FBN2: variants seen among roughly 807,000 people sequenced by gnomAD.
FBN2 encodes fibrillin-2.
FBN2 carries 105 observed loss-of-function variants against 355.6 expected under a neutral mutation model. That is an observed-to-expected ratio of 0.30 (90% CI 0.25 to 0.35). The LOEUF is 0.35. FBN2 is among the 10% of genes least tolerant of loss of function. FBN2 has a pLI of 1.00. For synonymous variants in FBN2, 1,350 were observed against 1,301.2 expected, an observed-to-expected ratio of 1.04 and a Z score of -0.81; for missense variants, 3,280 against 3,758.7, an observed-to-expected ratio of 0.87 and a Z score of 3.33.
rs1764864480 is a variant in FBN2, at chr5:128,258,107, C to T, written c.*1348G>A. On this transcript the variant is annotated 3_prime_UTR_variant, in exon 65 of 65. Coordinates refer to ENST00000262464, the MANE Select transcript of FBN2 (RefSeq NM_001999.4). ...GTATAACTGGTTACTAATCTTTGGT[C>T]AGCACAGGTTTGAGAGGAACAACCA... 1 of 152,244 alleles carries T rather than the reference C, an allele frequency of 6.6e-6. No individual in the cohort carries two copies. Among genetic ancestry groups the T allele is most frequent in the Non-Finnish European group, 1.5e-5 (1 of 68,014 alleles). 9.4% of individuals were successfully genotyped at this position (152,244 alleles called of 1,614,324 possible).
chr5:128,343,070 A>G (rs936704104), intron 25 of FBN2, among the ~76,000 whole-genome samples: 1 of 152,144 alleles, frequency 6.6e-6, no homozygotes, highest in Non-Finnish European at 1.5e-5. Flanking sequence ...CTGTGTGAGA[A>G]GGATGCAGGC....
chr5:128,293,121 T>A (rs767182950), intron 48 of FBN2, among the ~76,000 whole-genome samples: 1 of 152,182 alleles, frequency 6.6e-6, no homozygotes, highest in South Asian at 2.1e-4. Flanking sequence ...TGTACACATA[T>A]CTATGTCTGT....
At chr5:128,299,083 T>C (rs1300356674) in intron 48 of FBN2, among the ~76,000 whole-genome samples, 8 of 152,114 alleles carry the variant, frequency 5.3e-5, no homozygotes, top group South Asian at 4.1e-4. Flanking sequence ...TCTGTTGGAG[T>C]ACTGGGCCGT....
rs948963722 is a variant in FBN2 at position 128,326,443 on chromosome 5, C to T, written c.4471+2253G>A. Among the ~76,000 whole-genome samples the T allele has an allele frequency of 4.6e-5, 7 of 152,294 alleles. No individual in the cohort carries two copies. In the South Asian group the frequency reaches 1.2e-3, roughly 27 times the overall value. On this transcript the variant is annotated intron_variant, in intron 34 of 64. Coordinates refer to ENST00000262464, the MANE Select transcript of FBN2 (RefSeq NM_001999.4). The stretch of plus-strand genomic sequence containing the variant: ...CTCTCTCATGTTCCTGCAGGGGCTC[C>T]TCCAGGTTTTATATTCCCCCATTTT...
intron 15 of FBN2, 21 bp downstream of exon 15, chr5:128,374,607 A>G: frequency 6.2e-7 from 1 of 1,613,820 alleles, no homozygotes; most frequent in Non-Finnish European, 8.5e-7. Context: ...CAGTGGGGCC[A>G]TTATAAAATG....
At chr5:128,310,384 ATATATATATATATATATATTTTTTTT>A (rs1158315101) in intron 39 of FBN2, among the ~76,000 whole-genome samples, 4 of 13,418 alleles carry the variant, frequency 3.0e-4, no homozygotes, top group South Asian at 1.8e-3. Context: ...ATATATATAT[ATATATATATATATATATATTTTTTTT>A]TTTTTTTTTT....
intron 5 of FBN2, 109 bp from the exon 6 acceptor site, chr5:128,465,030 C>A: frequency 9.4e-7 from 1 of 1,067,846 alleles, no homozygotes; most frequent in Non-Finnish European, 1.4e-6. Context: ...CCAAAGTGTC[C>A]AAAGACAGAA....
At chr5:128,267,311 A>T (rs1328527410) in intron 62 of FBN2, among the ~76,000 whole-genome samples, 1 of 152,164 alleles carries the variant, frequency 6.6e-6, no homozygotes, top group Non-Finnish European at 1.5e-5. Flanking sequence ...TAGTAGAATG[A>T]TCTATATTCC....
intron 6 of FBN2, among the ~76,000 whole-genome samples, chr5:128,454,505 A>T (rs1425515676): frequency 6.6e-6 from 1 of 152,214 alleles, no homozygotes; most frequent in Non-Finnish European, 1.5e-5. Flanking sequence ...TAATCAAATA[A>T]ATCAGATAAT....
intron 49 of FBN2, 76 bp downstream of exon 49, chr5:128,291,453 C>T (rs1667787224): frequency 1.3e-6 from 2 of 1,527,960 alleles, no homozygotes; most frequent in African/African-American, 1.4e-5. Context: ...AGGACTAATA[C>T]CAGCATGATG....
chr5:128,259,666 C>T lies in FBN2; in HGVS notation c.8528G>A (p.Ser2843Asn). 1 of 1,614,054 alleles carries T rather than the reference C, an allele frequency of 6.2e-7. No individual in the cohort carries two copies. Among genetic ancestry groups the T allele is most frequent in the East Asian group, 2.2e-5 (1 of 44,860 alleles). ...RYVISQGNDD[S>N]VFRIHQRNGL... Reference sequence around the variant, plus strand: ...ATTCCTTTGGTGGATGCGGAAGACGCTGTCATCGTTCCCTTGAGAGATGAC... The same window carrying T: ...ATTCCTTTGGTGGATGCGGAAGACGTTGTCATCGTTCCCTTGAGAGATGAC... The change falls in exon 65 of 65, where the codon AGC becomes AAC. Residue 2843 changes from serine (S) to asparagine (N), a missense_variant. Around this residue, in one of 6 missense-constraint regions of FBN2, gnomAD observed 311 missense variants for 319.1 expected, o/e 0.97. Coordinates refer to ENST00000262464, the MANE Select transcript of FBN2 (RefSeq NM_001999.4).
chr5:128,269,855 A>G (rs1468113741), intron 62 of FBN2, among the ~76,000 whole-genome samples: 1 of 151,848 alleles, frequency 6.6e-6, no homozygotes, highest in African/African-American at 2.4e-5. Flanking sequence ...CATAAATTTC[A>G]TATGGAACCA....
intron 55 of FBN2, among the ~76,000 whole-genome samples, chr5:128,281,669 T>A (rs994971479): frequency 6.6e-6 from 1 of 152,098 alleles, no homozygotes; most frequent in African/African-American, 2.4e-5. Context: ...AATTAGTGTA[T>A]GTAGTTTGGT....
chr5:128,468,796 G>A (rs984912361), intron 5 of FBN2, among the ~76,000 whole-genome samples: 1 of 152,064 alleles, frequency 6.6e-6, no homozygotes, highest in Non-Finnish European at 1.5e-5. Context: ...AATACAAGTT[G>A]AGAAAATTAA....
At position 128,334,778 on chromosome 5, in the gene FBN2, G is replaced by A. The variant is rs1397344275; in HGVS notation, c.4040C>T (p.Ser1347Phe). The stretch of plus-strand genomic sequence containing the variant: ...ACCCAGCTGACAGTGGCAAATGAAG[G>A]ATCCCTTTGTGTTCTCACATTCCCC... ...MFGECENTKG[S>F]FICHCQLGYS... The change falls in exon 31 of 65, where the codon TCC becomes TTC. Residue 1347 changes from serine (S) to phenylalanine (F), a missense_variant. This residue lies in a region of FBN2 where 2,284 missense variants were observed against 2,749.5 expected (regional missense o/e 0.83). Transcript: ENST00000262464. 1 of 1,613,488 alleles carries A rather than the reference G, an allele frequency of 6.2e-7. No homozygotes were observed. Among genetic ancestry groups the A allele is most frequent in the Admixed American group, 1.7e-5 (1 of 60,012 alleles).
rs568548441 is a variant in FBN2, at chr5:128,306,479, G to A, written c.5423-531C>T. The stretch of plus-strand genomic sequence containing the variant: ...CTACTAAAAATACAAAAAATTAGCC[G>A]GGTGTGGTGGTGGGTGCCTGTAATC... On this transcript the variant is annotated intron_variant, in intron 42 of 64. Transcript: ENST00000262464. 3.2e-4 allele frequency among the ~76,000 whole-genome samples: 48 copies of A among 152,076 alleles called. No individual in the cohort carries two copies. In the East Asian group the frequency reaches 3.7e-3, roughly 12 times the overall value.
intron 39 of FBN2, among the ~76,000 whole-genome samples, chr5:128,310,383 TATATATA>T (rs1750005871): frequency 7.1e-5 from 1 of 13,996 alleles, no homozygotes; most frequent in African/African-American, 2.3e-4. Context: ...TATATATATA[TATATATA>T]TATATATATA....
chr5:128,437,309 G>A (rs959310506), intron 7 of FBN2, among the ~76,000 whole-genome samples: 2 of 152,128 alleles, frequency 1.3e-5, no homozygotes, highest in Non-Finnish European at 2.9e-5. Flanking sequence ...CCACTCTAAA[G>A]AATGAATTAG....
intron 7 of FBN2, among the ~76,000 whole-genome samples, chr5:128,418,878 C>A (rs34806389): frequency 0.17 from 25,306 of 152,006 alleles, 2,213 homozygotes; most frequent in Non-Finnish European, 0.21. Flanking sequence ...TCAATTTCTG[C>A]AAAAAAGCAA....
Sources: gnomAD v4.1 joint callset for allele counts (sites outside exome capture counted in the v4.1 genomes callset) on GRCh38, gnomAD v4.1.1 for gene constraint, gnomAD v4.1.1 regional missense constraint, MANE v1.5 for transcripts, NCBI Gene and HGNC (gene_info 2026-07-23, HGNC 2026-07-21) for gene names.